Variants in SH3PXD2B observed in about 807,000 individuals in gnomAD.
SH3PXD2B encodes the protein SH3 and PX domains 2B, also known as SH3 and PX domain-containing protein 2B.
In SH3PXD2B, 37 loss-of-function variants were observed where a neutral mutation model predicts 73.1. The ratio of observed to expected loss-of-function variants is 0.51; its 90% CI spans 0.39 to 0.67. SH3PXD2B has a LOEUF of 0.67. Ranked by LOEUF, SH3PXD2B falls within the 30% of genes least tolerant of loss-of-function variation. The probability of loss-of-function intolerance (pLI) is 0.00; values close to 1 mark genes in which losing one functional copy is unlikely to be tolerated. For synonymous variants in SH3PXD2B, 457 were observed against 480.5 expected, an observed-to-expected ratio of 0.95 and a Z score of 0.64; for missense variants, 1,053 against 1,197.8, an observed-to-expected ratio of 0.88 and a Z score of 1.78.
At chr5:172,434,782 G>GTTTTTGTTTTTTTTT (rs1554087271) in intron 1 of SH3PXD2B, among the ~76,000 whole-genome samples, 30 of 66,330 alleles carry the variant, frequency 4.5e-4, no homozygotes, top group African/African-American at 1.2e-3. Flanking sequence ...ATGGCCAATG[G>GTTTTTGTTTTTTTTT]TTTTTTTTTT....
chr5:172,386,577 G>GT (rs1426519867), intron 4 of SH3PXD2B, among the ~76,000 whole-genome samples: 1 of 108,024 alleles, frequency 9.3e-6, no homozygotes, highest in Non-Finnish European at 1.8e-5. Flanking sequence ...TGTTGTTGTT[G>GT]TTTTATTGTT....
chr5:172,368,510 AT>A lies in SH3PXD2B; in HGVS notation c.427+5279del, dbSNP rs1438350247. 6.2e-4 allele frequency among the ~76,000 whole-genome samples: 18 copies of A among 29,074 alleles called. 2 individuals are homozygous for A. Among genetic ancestry groups the A allele is most frequent in the Non-Finnish European group, 7.6e-4 (15 of 19,722 alleles). The allele number at this position is 29,074 out of a possible 152,430, so 19.1% of individuals were successfully genotyped here. On this transcript the variant is annotated intron_variant, in intron 6 of 12. Transcript: ENST00000311601. ...ATATATATATATTATATATATATAT[AT>A]AAAATATATATATATTATATATATA...
intron 4 of SH3PXD2B, among the ~76,000 whole-genome samples, chr5:172,389,001 T>C (rs1758114556): frequency 6.6e-6 from 1 of 152,164 alleles, no homozygotes; most frequent in Non-Finnish European, 1.5e-5. Context: ...TCTGGGTTTA[T>C]CTGGCTCTAA....
chr5:172,382,218 A>T, intron 4 of SH3PXD2B, 91 bp from the exon 5 acceptor site: 1 of 1,063,634 alleles, frequency 9.4e-7, no homozygotes. Flanking sequence ...CGGGAGGCTG[A>T]GGCAAGATAA....
intron 1 of SH3PXD2B, among the ~76,000 whole-genome samples, chr5:172,452,200 C>T (rs1176057605): frequency 2.0e-5 from 3 of 152,120 alleles, no homozygotes; most frequent in African/African-American, 7.2e-5. Context: ...GCTGAGGTGA[C>T]ACAGCTACAA....
intron 1 of SH3PXD2B, among the ~76,000 whole-genome samples, chr5:172,429,320 G>A (rs570238961): frequency 9.3e-6 from 1 of 107,008 alleles, no homozygotes; most frequent in Non-Finnish European, 1.9e-5. Flanking sequence ...AAACACCCCC[G>A]CCCCTTGGGA....
chr5:172,332,256 C>CTTTTTTTT (rs57471345), downstream of SH3PXD2B, among the ~76,000 whole-genome samples: 2 of 143,014 alleles, frequency 1.4e-5, no homozygotes, highest in Non-Finnish European at 3.0e-5. Flanking sequence ...TTTTTCCTTC[C>CTTTTTTTT]TTTTTTTTTT....
intron 1 of SH3PXD2B, among the ~76,000 whole-genome samples, chr5:172,430,149 T>C (rs1759199890): frequency 6.6e-6 from 1 of 152,224 alleles, no homozygotes; most frequent in African/African-American, 2.4e-5. Flanking sequence ...GCTTGGTGCC[T>C]GGATATGGTA....
Position 172,421,999 on chromosome 5 carries a change from A to ATTT in SH3PXD2B, c.156+414_156+416dup, listed in dbSNP as rs113159124. On this transcript the variant is annotated intron_variant, in intron 2 of 12. Coordinates refer to ENST00000311601, the MANE Select transcript of SH3PXD2B (RefSeq NM_001017995.3). This position sits in a 1 kb window ranked among gnomAD's most constrained non-coding sequence, Gnocchi z 4.0. ...TTGTGTCTCAAAAGTAATGGATGTC[A>ATTT]TTTTTTTTTTTTGAGATGGAGTTTT... Among the ~76,000 whole-genome samples, 571 of 148,194 alleles carry ATTT rather than the reference A, an allele frequency of 3.9e-3. 2 individuals carry two copies. The highest frequency in any genetic ancestry group is 0.012 in the African/African-American group (482 of 40,332).
intron 5 of SH3PXD2B, among the ~76,000 whole-genome samples, chr5:172,379,391 T>C (rs1757894721): frequency 1.3e-5 from 2 of 150,884 alleles, no homozygotes. Context: ...TGGGGACACA[T>C]CTGCAAACCA....
intron 5 of SH3PXD2B, among the ~76,000 whole-genome samples, chr5:172,376,845 G>T (rs936509393): frequency 1.3e-5 from 2 of 152,128 alleles, no homozygotes; most frequent in Non-Finnish European, 2.9e-5. Flanking sequence ...AGATACTGAC[G>T]CCCAGAGAGG....
intron 1 of SH3PXD2B, among the ~76,000 whole-genome samples, chr5:172,428,403 C>T (rs1192849661): frequency 6.6e-6 from 1 of 152,144 alleles, no homozygotes; most frequent in Non-Finnish European, 1.5e-5. Context: ...GGAATGGCTA[C>T]GATTAAAAAA....
chr5:172,399,382 T>A (rs768436912), intron 3 of SH3PXD2B, among the ~76,000 whole-genome samples: 11 of 152,328 alleles, frequency 7.2e-5, no homozygotes, highest in Non-Finnish European at 1.5e-4. Flanking sequence ...AGTTAATTGC[T>A]ATAAATACTG....
At chr5:172,368,904 A>AT (rs1757639395) in intron 6 of SH3PXD2B, among the ~76,000 whole-genome samples, 9 of 141,624 alleles carry the variant, frequency 6.4e-5, no homozygotes, top group Admixed American at 2.2e-4. Flanking sequence ...ATATATATAT[A>AT]TATTTTTGAG....
chr5:172,382,484 T>C lies in SH3PXD2B; in HGVS notation c.310-357A>G, dbSNP rs112099409. ...AGCCCCACCCGAGTTTCTGATCCAG[T>C]AGTTCTGCGGAGGGGGCTGAGGATG... On this transcript the variant is annotated intron_variant, in intron 4 of 12. Coordinates refer to ENST00000311601, the MANE Select transcript of SH3PXD2B (RefSeq NM_001017995.3). Among the ~76,000 whole-genome samples, 1,143 of 151,706 alleles carry C rather than the reference T, an allele frequency of 7.5e-3. 17 individuals are homozygous for C. The highest frequency in any genetic ancestry group is 0.026 in the African/African-American group (1,070 of 41,328).
intron 6 of SH3PXD2B, among the ~76,000 whole-genome samples, chr5:172,371,733 G>A (rs1053239693): frequency 5.3e-5 from 8 of 152,074 alleles, no homozygotes; most frequent in Non-Finnish European, 5.9e-5. Flanking sequence ...AGCCCGTTCC[G>A]ACTGGACATT....
rs1581352808 is a variant in SH3PXD2B, at chr5:172,454,166, G to C, written c.75+112C>G. The C allele has an allele frequency of 5.2e-6, 4 of 765,864 alleles. No homozygotes were observed. In the East Asian group the frequency reaches 1.4e-4, roughly 27 times the overall value. 47.4% of individuals were successfully genotyped at this position (765,864 alleles called of 1,614,324 possible). A position where few individuals can be genotyped will look rare whatever the true frequency, so the allele number is the denominator to read the frequency against. ...CCGCCGCAGAGCCGAGGGGAGAGCAGGGGAGGAGGGGACGGGAAGCGCTGG... is the reference window on the plus strand; with the variant it reads ...CCGCCGCAGAGCCGAGGGGAGAGCACGGGAGGAGGGGACGGGAAGCGCTGG... On this transcript the variant is annotated intron_variant, in intron 1 of 12. Coordinates refer to ENST00000311601, the MANE Select transcript of SH3PXD2B (RefSeq NM_001017995.3).
At chr5:172,365,147 T>C (rs1757485734) in intron 6 of SH3PXD2B, among the ~76,000 whole-genome samples, 1 of 151,958 alleles carries the variant, frequency 6.6e-6, no homozygotes, top group African/African-American at 2.4e-5. Context: ...AGAGAAAGCA[T>C]GAGGAGAACA....
chr5:172,439,678 GCGCGCA>G lies in SH3PXD2B; in HGVS notation c.75+14594_75+14599del, dbSNP rs143250033. Among the ~76,000 whole-genome samples, 732 of 91,474 alleles carry G rather than the reference GCGCGCA, an allele frequency of 8.0e-3. 6 individuals carry two copies. Among genetic ancestry groups the G allele is most frequent in the Admixed American group, 0.023 (226 of 9,662 alleles). 60.0% of individuals were successfully genotyped at this position (91,474 alleles called of 152,430 possible). A position where few individuals can be genotyped will look rare whatever the true frequency, so the allele number is the denominator to read the frequency against. ...AAACCAGGTATGTGTGTGCGTGCGTGCGCGCACGCGCGCGCACACACACACACACAC... is the reference window on the plus strand; with the variant it reads ...AAACCAGGTATGTGTGTGCGTGCGTGCGCGCGCGCACACACACACACACAC... On this transcript the variant is annotated intron_variant, in intron 1 of 12. Coordinates refer to ENST00000311601, the MANE Select transcript of SH3PXD2B (RefSeq NM_001017995.3).
Sources: allele counts gnomAD v4.1 joint callset (sites outside exome capture counted in the v4.1 genomes callset), GRCh38; gene constraint gnomAD v4.1.1; non-coding constraint Gnocchi (gnomAD v3.1); transcripts MANE v1.5; gene names NCBI Gene and HGNC (gene_info 2026-07-23, HGNC 2026-07-21).